The following C12orf42 variants were observed in gnomAD, a reference collection of about 807,000 sequenced individuals.
C12orf42 encodes chromosome 12 open reading frame 42.
Under a neutral mutation model 21.6 loss-of-function variants are expected in C12orf42, and 25 were observed. That is an observed-to-expected ratio of 1.16 (90% CI 0.84 to 1.62). The LOEUF is 1.62. Among genes scored for constraint, C12orf42 ranks in the 40% most tolerant of loss-of-function variants. The pLI, the probability that C12orf42 is intolerant of heterozygous loss-of-function variation, is 0.00. For synonymous variants in C12orf42, 174 were observed against 175.0 expected (o/e 0.99, Z 0.05); for missense variants, 483 against 459.3 (o/e 1.05, Z -0.47).
At chr12:103,262,177 G>T (rs2034929775) in intron 10 of C12orf42, 1 of 152,168 alleles carries the variant, frequency 6.6e-6, no homozygotes, top group Admixed American at 6.5e-5. Context: ...TCACAGTCAA[G>T]AAACTTACAA....
intron 2 of C12orf42, among the ~76,000 whole-genome samples, chr12:103,435,336 C>A (rs576477470): frequency 9.2e-5 from 14 of 152,338 alleles, no homozygotes; most frequent in Admixed American, 2.6e-4. Context: ...TTCTAAAACG[C>A]AGAGTGCCTC....
the C12orf42 span, among the ~76,000 whole-genome samples, chr12:103,518,173 T>C: frequency 6.6e-6 from 1 of 152,252 alleles, no homozygotes; most frequent in Admixed American, 6.5e-5. Flanking sequence ...TGCCACAGTC[T>C]ACTGATGTAT....
chr12:103,283,942 G>T (rs2036284434), intron 4 of C12orf42, among the ~76,000 whole-genome samples: 1 of 152,186 alleles, frequency 6.6e-6, no homozygotes, highest in African/African-American at 2.4e-5. Flanking sequence ...TTTGTTCAAA[G>T]ACCACTTTAA....
At chr12:103,083,323 C>T in the C12orf42 span, among the ~76,000 whole-genome samples, 2 of 152,154 alleles carry the variant, frequency 1.3e-5, no homozygotes, top group East Asian at 3.9e-4. Flanking sequence ...GAGATCGCGC[C>T]ATTGCACTCC....
At chr12:103,380,216 T>C in intron 3 of C12orf42, among the ~76,000 whole-genome samples, 1 of 152,230 alleles carries the variant, frequency 6.6e-6, no homozygotes, top group Non-Finnish European at 1.5e-5. Context: ...GCAAGGTTTT[T>C]GGCCTGACTT....
intron 1 of C12orf42, among the ~76,000 whole-genome samples, chr12:103,481,830 G>C (rs1321107017): frequency 6.6e-6 from 1 of 150,604 alleles, no homozygotes; most frequent in African/African-American, 2.4e-5. Context: ...TACACTTTTA[G>C]AATTGACTAA....
intron 4 of C12orf42, among the ~76,000 whole-genome samples, chr12:103,281,681 G>A (rs2098213774): frequency 1.3e-5 from 2 of 149,028 alleles, no homozygotes; most frequent in African/African-American, 5.0e-5. Flanking sequence ...TTTAAGTGAG[G>A]GTCTCACTCT....
chr12:103,403,271 G>A (rs1161775226), intron 2 of C12orf42, among the ~76,000 whole-genome samples: 1 of 151,944 alleles, frequency 6.6e-6, no homozygotes, highest in Non-Finnish European at 1.5e-5. Flanking sequence ...AGCTGCTCCG[G>A]AGGCTGAGGC....
intron 2 of C12orf42, among the ~76,000 whole-genome samples, chr12:103,451,637 G>C (rs887990373): frequency 6.6e-6 from 1 of 151,960 alleles, no homozygotes; most frequent in Non-Finnish European, 1.5e-5. Flanking sequence ...CTACAGTTTG[G>C]GGCAATCAGC....
intron 4 of C12orf42, among the ~76,000 whole-genome samples, chr12:103,282,071 T>C (rs530692544): frequency 1.5e-3 from 232 of 152,334 alleles, no homozygotes; most frequent in African/African-American, 5.2e-3. Context: ...TCTTCTTTAG[T>C]TATGTTTATT....
At chr12:103,539,166 T>G in the C12orf42 span, among the ~76,000 whole-genome samples, 1 of 152,226 alleles carries the variant, frequency 6.6e-6, no homozygotes, top group African/African-American at 2.4e-5. Context: ...TTTACCATGA[T>G]GTAATAAACA....
the C12orf42 span, among the ~76,000 whole-genome samples, chr12:103,154,025 C>CAAAAAAAAAAA: frequency 3.9e-5 from 2 of 51,668 alleles, no homozygotes; most frequent in African/African-American, 1.3e-4. Flanking sequence ...CAAATCTCAG[C>CAAAAAAAAAAA]AAAAAAAAAA....
At chr12:103,361,009 A>G (rs2044049523) in intron 4 of C12orf42, among the ~76,000 whole-genome samples, 1 of 152,100 alleles carries the variant, frequency 6.6e-6, no homozygotes, top group Admixed American at 6.6e-5. Context: ...GGGGGAAAAA[A>G]ATGTTGTATG....
chr12:103,126,181 T>C, the C12orf42 span, among the ~76,000 whole-genome samples: 1 of 151,618 alleles, frequency 6.6e-6, no homozygotes, highest in Non-Finnish European at 1.5e-5. Context: ...CCACTGCCTG[T>C]ATCTGCCCCA....
the C12orf42 span, among the ~76,000 whole-genome samples, chr12:103,080,216 T>C: frequency 6.6e-6 from 1 of 152,278 alleles, no homozygotes; most frequent in East Asian, 1.9e-4. Context: ...AGTAAATGTA[T>C]AAATTACGGT....
chr12:103,543,891 G>GTA, the C12orf42 span, among the ~76,000 whole-genome samples: 1 of 46,340 alleles, frequency 2.2e-5, no homozygotes, highest in African/African-American at 1.2e-4. Flanking sequence ...TTTTTTTTTT[G>GTA]TTTTGTTTTT....
chr12:103,221,085 C>T, the C12orf42 span, among the ~76,000 whole-genome samples: 4 of 152,120 alleles, frequency 2.6e-5, no homozygotes, highest in African/African-American at 4.8e-5. Context: ...GAATGTCAAA[C>T]GATTCAGGAA....
At chr12:103,434,458 A>T (rs1349886480) in intron 2 of C12orf42, among the ~76,000 whole-genome samples, 2 of 152,186 alleles carry the variant, frequency 1.3e-5, no homozygotes, top group Non-Finnish European at 2.9e-5. Flanking sequence ...GACGCAGAGG[A>T]CGGGTGATTT....
At chr12:103,466,149 G>T (rs903012288) in intron 2 of C12orf42, among the ~76,000 whole-genome samples, 1 of 152,154 alleles carries the variant, frequency 6.6e-6, no homozygotes, top group Non-Finnish European at 1.5e-5. Context: ...CTTTTCAGTT[G>T]TTCGGAATAG....
Sources: allele counts gnomAD v4.1 joint callset (sites outside exome capture counted in the v4.1 genomes callset), GRCh38; gene constraint gnomAD v4.1.1; transcripts MANE v1.5; gene names NCBI Gene and HGNC (gene_info 2026-07-23, HGNC 2026-07-21).